Variants in GRID2 observed in about 807,000 individuals in gnomAD.
GRID2 encodes the protein glutamate receptor ionotropic, delta-2.
In GRID2, 33 loss-of-function variants were observed where a neutral mutation model predicts 114.8. The observed-to-expected ratio is 0.29, with a 90% CI of 0.22 to 0.38. GRID2 has a LOEUF of 0.38. Among genes scored for constraint, GRID2 ranks in the 10% least tolerant of loss-of-function variants. GRID2 has a pLI of 1.00. For missense variants in GRID2, 1,184 were observed against 1,257.7 expected, an observed-to-expected ratio of 0.94 and a Z score of 0.89; for synonymous variants, 505 against 449.9, an observed-to-expected ratio of 1.12 and a Z score of -1.55.
intron 8 of GRID2, among the ~76,000 whole-genome samples, chr4:93,310,946 G>T (rs573777624): frequency 6.6e-6 from 1 of 152,278 alleles, no homozygotes; most frequent in South Asian, 2.1e-4. Context: ...CAAGACAACT[G>T]TGGTCCCAGT....
chr4:92,546,706 C>T (rs1319815728), intron 1 of GRID2, among the ~76,000 whole-genome samples: 4 of 152,184 alleles, frequency 2.6e-5, no homozygotes, highest in African/African-American at 9.7e-5. Context: ...AGAATTTAAA[C>T]TACCAGTGGA....
chr4:93,370,522 T>C (rs1454695558), intron 8 of GRID2, among the ~76,000 whole-genome samples: 1 of 151,328 alleles, frequency 6.6e-6, no homozygotes, highest in Admixed American at 6.6e-5. Flanking sequence ...CACAGTTCCT[T>C]GATATTGCAG....
At chr4:92,480,461 G>T (rs970356360) in intron 1 of GRID2, among the ~76,000 whole-genome samples, 1 of 152,098 alleles carries the variant, frequency 6.6e-6, no homozygotes, top group African/African-American at 2.4e-5. Context: ...ATTATGAAGT[G>T]ATTTCTCTTG....
At chr4:92,956,675 A>G (rs1406084967) in intron 2 of GRID2, among the ~76,000 whole-genome samples, 4 of 152,180 alleles carry the variant, frequency 2.6e-5, no homozygotes, top group East Asian at 1.9e-4. Flanking sequence ...ATAAATAGCA[A>G]TGAGCAGTAT....
chr4:92,659,649 A>G (rs1343947054), intron 2 of GRID2, among the ~76,000 whole-genome samples: 1 of 151,482 alleles, frequency 6.6e-6, no homozygotes, highest in Non-Finnish European at 1.5e-5. Flanking sequence ...AAAAATAGAA[A>G]ATATTTTGGG....
intron 11 of GRID2, among the ~76,000 whole-genome samples, chr4:93,456,246 C>T (rs936188274): frequency 8.5e-5 from 13 of 152,050 alleles, no homozygotes; most frequent in Non-Finnish European, 1.8e-4. Flanking sequence ...TCACAGAAAA[C>T]ATCAAGATCA....
At chr4:92,720,662 A>T (rs993661721) in intron 2 of GRID2, among the ~76,000 whole-genome samples, 11 of 152,230 alleles carry the variant, frequency 7.2e-5, no homozygotes, top group African/African-American at 2.4e-4. Flanking sequence ...TAGGATCAAT[A>T]TAAAAGGAAC....
At chr4:92,593,323 A>C (rs982174461) in intron 2 of GRID2, among the ~76,000 whole-genome samples, 4 of 152,006 alleles carry the variant, frequency 2.6e-5, no homozygotes, top group Non-Finnish European at 4.4e-5. Context: ...AATTTCCTCT[A>C]ATCAGCCACA....
rs752192531 is a variant in GRID2, at chr4:93,772,521, G to A, written c.*23G>A. 9 of 1,521,052 alleles carry A rather than the reference G, an allele frequency of 5.9e-6. No homozygotes were observed. The highest frequency in any genetic ancestry group is 8.0e-6 in the Non-Finnish European group (9 of 1,129,932). 94.2% of individuals were successfully genotyped at this position (1,521,052 alleles called of 1,614,324 possible). A position where few individuals can be genotyped will look rare whatever the true frequency, so the allele number is the denominator to read the frequency against. ...TGAGCATCAAACAAATCTCTTCACT[G>A]TTTCTTTTTTAGGACTCCCTTTGCA... On this transcript the variant is annotated 3_prime_UTR_variant, in exon 16 of 16. Transcript: ENST00000282020.
chr4:93,491,439 C>T (rs187857558), intron 12 of GRID2, among the ~76,000 whole-genome samples: 28 of 151,934 alleles, frequency 1.8e-4, no homozygotes, highest in African/African-American at 6.0e-4. Context: ...ATGCCATTTC[C>T]GTAAGCCCGT....
Position 93,615,638 on chromosome 4 carries a change from C to CG in GRID2, c.2194-10631_2194-10630insG, listed in dbSNP as rs528767394. On this transcript the variant is annotated intron_variant, in intron 13 of 15. Coordinates refer to ENST00000282020, the MANE Select transcript of GRID2 (RefSeq NM_001510.4). ...GTGCTAATAATAAAAGGCCTTCACCCCAAAAAAAAAAAAAAAGGAAATTGA... is the reference window on the plus strand; with the variant it reads ...GTGCTAATAATAAAAGGCCTTCACCCGCAAAAAAAAAAAAAAAGGAAATTGA... 1.8e-4 allele frequency among the ~76,000 whole-genome samples: 26 copies of CG among 146,154 alleles called. No homozygotes were observed. In the South Asian group the frequency reaches 3.9e-3, roughly 22 times the overall value.
intron 1 of GRID2, among the ~76,000 whole-genome samples, chr4:92,441,839 CA>C (rs1733106571): frequency 1.3e-5 from 2 of 151,744 alleles, no homozygotes; most frequent in East Asian, 1.9e-4. Context: ...GAGGAGGACG[CA>C]AAGGAGGCTT....
At chr4:93,490,913 C>T (rs1726934105) in intron 12 of GRID2, 136 bp downstream of exon 12, 1 of 590,222 alleles carries the variant, frequency 1.7e-6, no homozygotes. Flanking sequence ...TTTTGTGTTA[C>T]TGCAAAGTAT....
At chr4:93,008,286 A>G (rs1485979390) in intron 2 of GRID2, among the ~76,000 whole-genome samples, 7 of 152,098 alleles carry the variant, frequency 4.6e-5, no homozygotes, top group Non-Finnish European at 8.8e-5. Context: ...CCATAAATTT[A>G]GGAATCTGTT....
chr4:92,614,618 A>G (rs1040501574), intron 2 of GRID2, among the ~76,000 whole-genome samples: 2 of 151,592 alleles, frequency 1.3e-5, no homozygotes, highest in Non-Finnish European at 3.0e-5. Context: ...CACTTACTCT[A>G]TAGTCCAGTG....
At chr4:93,098,421 A>C (rs1048666732) in intron 3 of GRID2, among the ~76,000 whole-genome samples, 15 of 152,024 alleles carry the variant, frequency 9.9e-5, no homozygotes, top group Admixed American at 2.0e-4. Flanking sequence ...TAAGCAAAGA[A>C]TTAAGACAGA....
intron 2 of GRID2, among the ~76,000 whole-genome samples, chr4:92,754,063 A>T (rs1737590781): frequency 2.0e-5 from 3 of 152,206 alleles, no homozygotes; most frequent in Non-Finnish European, 4.4e-5. Flanking sequence ...GCTAATGCAT[A>T]ACCTGTCACT....
chr4:92,592,147 T>G (rs971260117), intron 2 of GRID2, among the ~76,000 whole-genome samples: 11 of 152,072 alleles, frequency 7.2e-5, no homozygotes, highest in South Asian at 2.1e-4. Context: ...TATATGTCAT[T>G]CATTTTTAAG....
chr4:93,350,720 A>G (rs1283506779), intron 8 of GRID2, among the ~76,000 whole-genome samples: 8 of 152,054 alleles, frequency 5.3e-5, no homozygotes, highest in Admixed American at 5.3e-4. Context: ...GAAGACCAGG[A>G]AGCCAAGTGT....
Sources: allele counts gnomAD v4.1 joint callset (sites outside exome capture counted in the v4.1 genomes callset), GRCh38; gene constraint gnomAD v4.1.1; transcripts MANE v1.5; gene names NCBI Gene and HGNC (gene_info 2026-07-23, HGNC 2026-07-21).